The following TEX35 variants were observed in gnomAD, a reference collection of about 807,000 sequenced individuals.
TEX35 encodes testis expressed 35.
Under a neutral mutation model 31.9 loss-of-function variants are expected in TEX35, and 26 were observed. That is an observed-to-expected ratio of 0.81 (90% CI 0.60 to 1.13). The LOEUF (loss-of-function observed/expected upper bound fraction) is 1.13, where lower values mean the gene tolerates loss of function less well. TEX35 is among the 50% of genes most tolerant of loss of function. TEX35 has a pLI of 0.00. For missense variants in TEX35, 278 were observed against 273.5 expected (o/e 1.02, Z -0.12); for synonymous variants, 87 against 90.7 (o/e 0.96, Z 0.23).
At chr1:178,517,566 C>A (rs959809314) in intron 5 of TEX35, among the ~76,000 whole-genome samples, 1 of 152,188 alleles carries the variant, frequency 6.6e-6, no homozygotes, top group Non-Finnish European at 1.5e-5. Flanking sequence ...CACCTCATAA[C>A]GATTAAGTCA....
intron 7 of TEX35, 125 bp downstream of exon 7, chr1:178,520,999 G>A: frequency 3.2e-6 from 5 of 1,543,780 alleles, no homozygotes; most frequent in Non-Finnish European, 4.4e-6. Context: ...TGACTTCTGG[G>A]TGCCGCCCGA....
intron 5 of TEX35, among the ~76,000 whole-genome samples, chr1:178,517,227 A>G (rs1001303192): frequency 6.6e-6 from 1 of 152,236 alleles, no homozygotes; most frequent in African/African-American, 2.4e-5. Context: ...ATTAAAATTC[A>G]CGATAAAAAC....
chr1:178,521,119 A>G, intron 7 of TEX35, 103 bp from the exon 8 acceptor site: 9 of 1,601,082 alleles, frequency 5.6e-6, no homozygotes, highest in Non-Finnish European at 7.7e-6. Flanking sequence ...CCACCCTCTT[A>G]TTCTGTCCTT....
intron 5 of TEX35, 70 bp from the exon 6 acceptor site, chr1:178,520,302 G>A (rs370944731): frequency 6.8e-7 from 1 of 1,480,990 alleles, no homozygotes; most frequent in African/African-American, 1.4e-5. Flanking sequence ...ATGGTTTGCA[G>A]AGAGGCAGGA....
At chr1:178,516,860 A>C (rs1343698958) in intron 5 of TEX35, among the ~76,000 whole-genome samples, 186 bp downstream of exon 5, 1 of 152,232 alleles carries the variant, frequency 6.6e-6, no homozygotes, top group Non-Finnish European at 1.5e-5. Context: ...GACATGAGAA[A>C]TGAATGCGGG....
intron 1 of TEX35, among the ~76,000 whole-genome samples, chr1:178,513,808 G>C (rs780590953): frequency 6.6e-6 from 1 of 152,270 alleles, no homozygotes; most frequent in Non-Finnish European, 1.5e-5. Flanking sequence ...CAAATAGGCA[G>C]ACACACGCCC....
intron 8 of TEX35, 150 bp downstream of exon 8, chr1:178,521,414 C>T: frequency 9.4e-7 from 1 of 1,059,838 alleles, no homozygotes; most frequent in Non-Finnish European, 1.5e-6. Flanking sequence ...CCAGCATGCT[C>T]AGTCATACAG....
intron 5 of TEX35, among the ~76,000 whole-genome samples, chr1:178,519,704 T>C (rs1398708211): frequency 6.6e-6 from 1 of 152,222 alleles, no homozygotes; most frequent in Non-Finnish European, 1.5e-5. Flanking sequence ...TTTATTTCTG[T>C]TTTATGACAA....
At position 178,521,643 on chromosome 1, in the gene TEX35, G is replaced by C. The variant is rs772358241; in HGVS notation, c.586+379G>C. On this transcript the variant is annotated intron_variant, in intron 8 of 8. Transcript: ENST00000319416. ...CTGATTTATCTGTACCTCAACCCCG[G>C]TGACATCGAATATGTGTTTCCAACC... The C allele has an allele frequency of 1.0e-5, 16 of 1,552,236 alleles. No individual in the cohort carries two copies. In the South Asian group the frequency reaches 1.8e-4, roughly 17 times the overall value.
chr1:178,513,217 A>G lies in TEX35; in HGVS notation c.29A>G (p.Lys10Arg). Residue 10 changes from lysine to arginine, a missense_variant, in exon 1 of 9, where the codon AAA (lysine) becomes AGA (arginine). Transcript: ENST00000319416. MSAKRAELK[K>R]THLSKNYKAV... Reference sequence around the variant, plus strand: ...TCGGCCAAGAGGGCAGAATTGAAGAAAACACATCTGGTAAAAGAGAGACAT... The same window carrying G: ...TCGGCCAAGAGGGCAGAATTGAAGAGAACACATCTGGTAAAAGAGAGACAT... 1 of 1,614,242 alleles carries G rather than the reference A, an allele frequency of 6.2e-7. No individual in the cohort carries two copies. The highest frequency in any genetic ancestry group is 8.5e-7 in the Non-Finnish European group (1 of 1,180,032).
intron 8 of TEX35, chr1:178,521,998 C>A (rs1332144199): frequency 4.0e-6 from 3 of 758,524 alleles, no homozygotes; most frequent in Non-Finnish European, 6.1e-6. Flanking sequence ...CCACCTGGGT[C>A]TGCAAACGTC....
At chr1:178,514,001 T>C (rs1649974011) in intron 1 of TEX35, 26 bp from the exon 2 acceptor site, 1 of 1,612,468 alleles carries the variant, frequency 6.2e-7, no homozygotes, top group African/African-American at 1.3e-5. Flanking sequence ...TCTGCCAGCC[T>C]GAATCTCAGT....
chr1:178,520,632 T>A (rs1279820257), intron 6 of TEX35, 41 bp from the exon 7 acceptor site: 1 of 1,603,050 alleles, frequency 6.2e-7, no homozygotes. Context: ...CTGCAAAATG[T>A]CTCCCCAACT....
Position 178,521,261 on chromosome 1 carries a change from C to T in TEX35, c.583C>T (p.Arg195Trp), listed in dbSNP as rs780611383. The change falls in exon 8 of 9, where the codon CGG becomes TGG. Residue 195 changes from arginine (R) to tryptophan (W), a missense_variant. Coordinates refer to ENST00000319416, the MANE Select transcript of TEX35 (RefSeq NM_032126.5). ...LLCALKNNYNRGNIPSEASGL... is the reference protein window; with the variant it reads ...LLCALKNNYNWGNIPSEASGL... ...GTGTGCTCTAAAGAACAACTACAAT[C>T]GGGGTAGGTAGATTCATACAAGATG... The T allele has an allele frequency of 2.8e-5, 46 of 1,614,100 alleles. No homozygotes were observed. Among genetic ancestry groups the T allele is most frequent in the Non-Finnish European group, 3.6e-5 (42 of 1,180,034 alleles).
intron 8 of TEX35, chr1:178,521,524 C>T: frequency 7.9e-7 from 1 of 1,266,162 alleles, no homozygotes; most frequent in South Asian, 1.3e-5. Context: ...CGGAACTGAC[C>T]TTGCCTCAGG....
At position 178,520,864 on chromosome 1, in the gene TEX35, G is replaced by A. The variant is rs923758738; in HGVS notation, c.533G>A (p.Gly178Glu). The A allele has an allele frequency of 1.2e-6, 2 of 1,614,150 alleles. No individual in the cohort carries two copies. Among genetic ancestry groups the A allele is most frequent in the Admixed American group, 1.7e-5 (1 of 60,028 alleles). ...TCACTGGATCCCCTTCATCACTGTG[G>A]GACCTGCTGCGTAAGTGAAACCCTG... ...QGSLDPLHHC[G>E]TCCEKCLLCA... Residue 178 changes from glycine to glutamate, a missense_variant, in exon 7 of 9, where the codon GGG becomes GAG. Physicochemically the swap from Gly to Glu is moderately conservative, Grantham distance 98. Coordinates refer to ENST00000319416, the MANE Select transcript of TEX35 (RefSeq NM_032126.5).
chr1:178,513,901 C>A (rs564114962), intron 1 of TEX35, 126 bp from the exon 2 acceptor site: 2 of 1,100,230 alleles, frequency 1.8e-6, no homozygotes, highest in East Asian at 2.4e-5. Flanking sequence ...TGAGCTCAAG[C>A]CAGTTGGACA....
At chr1:178,521,201 T>C (rs1427047099) in intron 7 of TEX35, 21 bp from the exon 8 acceptor site, 2 of 1,614,116 alleles carry the variant, frequency 1.2e-6, no homozygotes, top group African/African-American at 2.7e-5. Context: ...ATCTTTCTTG[T>C]GCCGTTTCTG....
At chr1:178,520,080 A>C (rs1572176707) in intron 5 of TEX35, among the ~76,000 whole-genome samples, 1 of 152,336 alleles carries the variant, frequency 6.6e-6, no homozygotes, top group African/African-American at 2.4e-5. Flanking sequence ...CAAGGCAAGC[A>C]TTGGTTTTAT....
Sources: allele counts gnomAD v4.1 joint callset (sites outside exome capture counted in the v4.1 genomes callset), GRCh38; gene constraint gnomAD v4.1.1; transcripts MANE v1.5; gene names NCBI Gene and HGNC (gene_info 2026-07-23, HGNC 2026-07-21).